The following PRKG1 variants were observed in gnomAD, a reference collection of about 807,000 sequenced individuals.
PRKG1 encodes the protein cGMP-dependent protein kinase 1.
Under a neutral mutation model 88.1 loss-of-function variants are expected in PRKG1, and 35 were observed. The observed-to-expected ratio is 0.40, with a 90% CI of 0.30 to 0.53. PRKG1 has a LOEUF of 0.53. Among genes scored for constraint, PRKG1 ranks in the 20% least tolerant of loss-of-function variants. The probability of loss-of-function intolerance (pLI) is 0.59; values close to 1 mark genes in which losing one functional copy is unlikely to be tolerated. For synonymous variants in PRKG1, 303 were observed against 292.5 expected (o/e 1.04, Z -0.37); for missense variants, 540 against 839.8 (o/e 0.64, Z 4.41).
chr10:51,003,246 G>A (rs1420761660), intron 1 of PRKG1, among the ~76,000 whole-genome samples: 1 of 152,110 alleles, frequency 6.6e-6, no homozygotes, highest in Non-Finnish European at 1.5e-5. Flanking sequence ...AGTGAAGCAA[G>A]CAATAGACAG....
At chr10:51,497,393 C>T (rs1840889515) in intron 3 of PRKG1, among the ~76,000 whole-genome samples, 1 of 151,936 alleles carries the variant, frequency 6.6e-6, no homozygotes, top group Admixed American at 6.6e-5. Flanking sequence ...ATGCTAAGGT[C>T]ACAACAGTGG....
intron 1 of PRKG1, among the ~76,000 whole-genome samples, chr10:51,101,833 G>T (rs1386327217): frequency 1.3e-5 from 2 of 152,128 alleles, no homozygotes; most frequent in Non-Finnish European, 2.9e-5. Context: ...CATAAGGACT[G>T]GAGTCACCAG....
intron 9 of PRKG1, among the ~76,000 whole-genome samples, chr10:52,249,613 A>G (rs1841120115): frequency 2.0e-5 from 3 of 152,164 alleles, no homozygotes; most frequent in Admixed American, 2.0e-4. Context: ...ACAAATAATA[A>G]CACCATACTT....
At chr10:51,092,571 C>T (rs1031753385) in intron 1 of PRKG1, among the ~76,000 whole-genome samples, 2 of 152,178 alleles carry the variant, frequency 1.3e-5, no homozygotes, top group Admixed American at 1.3e-4. Context: ...TGCTCTGATG[C>T]CTATCAGTCC....
chr10:52,068,894 G>A (rs966330644), intron 7 of PRKG1, among the ~76,000 whole-genome samples: 2 of 152,110 alleles, frequency 1.3e-5, no homozygotes, highest in South Asian at 2.1e-4. Flanking sequence ...CTGAGAGTTG[G>A]CCCTTTTCCA....
intron 2 of PRKG1, among the ~76,000 whole-genome samples, chr10:51,349,642 G>A (rs965654895): frequency 6.6e-6 from 1 of 151,858 alleles, no homozygotes; most frequent in African/African-American, 2.4e-5. Context: ...AAATAGCTGG[G>A]ACTACAGGCA....
chr10:51,397,500 C>T (rs141418895), intron 2 of PRKG1, among the ~76,000 whole-genome samples: 142 of 152,246 alleles, frequency 9.3e-4, no homozygotes, highest in African/African-American at 3.2e-3. Flanking sequence ...TAGAGGCCCT[C>T]GAGTTGGACT....
At chr10:51,391,424 CTA>C in intron 2 of PRKG1, among the ~76,000 whole-genome samples, 1 of 152,262 alleles carries the variant, frequency 6.6e-6, no homozygotes, top group South Asian at 2.1e-4. Context: ...AGGTTTCTCT[CTA>C]TGTTTAAGTT....
chr10:51,272,839 G>A lies in PRKG1; in HGVS notation c.478+119509G>A, dbSNP rs532554874. ...TAATAAGGCTAGCTTAGCATAAATA[G>A]GATCCATCTGAGAATGAACCAGAAG... is the stretch of plus-strand genomic sequence containing the variant. On this transcript the variant is annotated intron_variant, in intron 2 of 17. Coordinates refer to ENST00000373980, the MANE Select transcript of PRKG1 (RefSeq NM_006258.4). Among the ~76,000 whole-genome samples, 21 of 152,238 alleles carry A rather than the reference G, an allele frequency of 1.4e-4. No individual in the cohort carries two copies. The East Asian group carries it at 3.9e-3, about 28-fold the overall frequency.
intron 3 of PRKG1, among the ~76,000 whole-genome samples, chr10:51,551,590 A>C (rs887176482): frequency 1.3e-5 from 2 of 151,788 alleles, no homozygotes; most frequent in African/African-American, 4.8e-5. Flanking sequence ...TGGCAGATAA[A>C]TATTCACTAA....
chr10:52,062,125 A>G (rs186646425), intron 6 of PRKG1, among the ~76,000 whole-genome samples: 255 of 152,268 alleles, frequency 1.7e-3, no homozygotes, highest in African/African-American at 5.2e-3. Flanking sequence ...ATTAAGAGAA[A>G]AAAGTAAGTT....
intron 3 of PRKG1, among the ~76,000 whole-genome samples, chr10:51,510,657 T>A (rs1215797918): frequency 6.6e-6 from 1 of 152,134 alleles, no homozygotes. Flanking sequence ...GAGAGGTCAC[T>A]AGTAAATAAT....
intron 5 of PRKG1, among the ~76,000 whole-genome samples, chr10:51,988,260 A>T (rs1844213807): frequency 1.3e-5 from 2 of 152,080 alleles, no homozygotes; most frequent in Admixed American, 6.6e-5. Context: ...CTACTGATTA[A>T]TATATTTTTG....
rs112422789 is a variant in PRKG1 at position 51,380,816 on chromosome 10, A to T, written c.479-86907A>T. 3.9e-3 allele frequency among the ~76,000 whole-genome samples: 598 copies of T among 152,286 alleles called. 5 individuals are homozygous for T. The highest frequency in any genetic ancestry group is 0.014 in the African/African-American group (574 of 41,558). On this transcript the variant is annotated intron_variant, in intron 2 of 17. Transcript: ENST00000373980. ...GGGAAGGGGGCCAGGGTATAACCTT[A>T]TAAGGGGAATAATGAAACTTAGGCG...
At chr10:52,051,714 G>C (rs1845990862) in intron 5 of PRKG1, among the ~76,000 whole-genome samples, 1 of 152,198 alleles carries the variant, frequency 6.6e-6, no homozygotes, top group African/African-American at 2.4e-5. Flanking sequence ...AGCTCAGAGA[G>C]GGGCAAACTT....
At chr10:51,330,778 AAAAGAAC>A (rs1398590148) in intron 2 of PRKG1, among the ~76,000 whole-genome samples, 1 of 152,218 alleles carries the variant, frequency 6.6e-6, no homozygotes, top group Non-Finnish European at 1.5e-5. Flanking sequence ...GAGCCTTCTT[AAAAGAAC>A]TATTTTGAAT....
At chr10:52,154,313 G>T (rs1910536) in intron 8 of PRKG1, among the ~76,000 whole-genome samples, 1 of 151,950 alleles carries the variant, frequency 6.6e-6, no homozygotes, top group African/African-American at 2.4e-5. Flanking sequence ...GACAGTAACA[G>T]AAATCTGTAC....
chr10:52,076,497 C>A (rs1274306097), intron 7 of PRKG1, among the ~76,000 whole-genome samples: 1 of 152,178 alleles, frequency 6.6e-6, no homozygotes, highest in African/African-American at 2.4e-5. Flanking sequence ...GCAGAGGTTG[C>A]AGTGAGCTGA....
chr10:51,170,968 A>G (rs1564625987), intron 2 of PRKG1, among the ~76,000 whole-genome samples: 1 of 152,170 alleles, frequency 6.6e-6, no homozygotes, highest in Non-Finnish European at 1.5e-5. Context: ...TTCTGGTACC[A>G]AGCACACATA....
Sources: allele counts gnomAD v4.1 joint callset (sites outside exome capture counted in the v4.1 genomes callset), GRCh38; gene constraint gnomAD v4.1.1; transcripts MANE v1.5; gene names NCBI Gene and HGNC (gene_info 2026-07-23, HGNC 2026-07-21).